The following NTRK2 variants were observed in gnomAD, a reference collection of about 807,000 sequenced individuals.
NTRK2 encodes BDNF/NT-3 growth factors receptor.
Under a neutral mutation model 94.5 loss-of-function variants are expected in NTRK2, and 13 were observed. The observed-to-expected ratio is 0.14, with a 90% CI of 0.09 to 0.22. The LOEUF (loss-of-function observed/expected upper bound fraction) is 0.22. Ranked by LOEUF, NTRK2 falls within the 10% of genes least tolerant of loss-of-function variation. NTRK2 has a pLI of 1.00. For missense variants in NTRK2, 639 were observed against 1,071.2 expected, an observed-to-expected ratio of 0.60 and a Z score of 5.63; for synonymous variants, 372 against 407.4, an observed-to-expected ratio of 0.91 and a Z score of 1.05.
At chr9:84,726,733 C>T (rs765637305) in intron 8 of NTRK2, among the ~76,000 whole-genome samples, 12 of 152,150 alleles carry the variant, frequency 7.9e-5, no homozygotes, top group Non-Finnish European at 1.6e-4. Context: ...AACCTCATTG[C>T]ACTTTGGTTT....
At chr9:84,721,170 C>T (rs977268953) in intron 6 of NTRK2, among the ~76,000 whole-genome samples, 2 of 139,176 alleles carry the variant, frequency 1.4e-5, no homozygotes, top group East Asian at 4.5e-4. Context: ...TCATAATACT[C>T]ATAATAATCT....
At chr9:84,916,410 C>T in intron 14 of NTRK2, among the ~76,000 whole-genome samples, 1 of 152,178 alleles carries the variant, frequency 6.6e-6, no homozygotes, top group East Asian at 1.9e-4. Flanking sequence ...TACTCTTCAT[C>T]CTAGTACTCA....
chr9:84,942,551 A>G (rs2078447832), intron 15 of NTRK2, among the ~76,000 whole-genome samples: 1 of 152,224 alleles, frequency 6.6e-6, no homozygotes, highest in African/African-American at 2.4e-5. Flanking sequence ...ATGAAGTCCA[A>G]CAGAAGCATA....
intron 17 of NTRK2, among the ~76,000 whole-genome samples, chr9:84,994,964 T>C (rs1829560275): frequency 6.6e-6 from 1 of 152,160 alleles, no homozygotes. Flanking sequence ...TAAAACATGC[T>C]CCAACTGAGG....
At chr9:84,802,388 G>T (rs1564310956) in intron 12 of NTRK2, among the ~76,000 whole-genome samples, 1 of 152,148 alleles carries the variant, frequency 6.6e-6, no homozygotes, top group Non-Finnish European at 1.5e-5. Flanking sequence ...ATTATGAAGG[G>T]ACTTCCTGCG....
intron 12 of NTRK2, among the ~76,000 whole-genome samples, chr9:84,789,439 C>T (rs2068492842): frequency 6.6e-6 from 1 of 152,144 alleles, no homozygotes; most frequent in African/African-American, 2.4e-5. Context: ...TGACCTGGCC[C>T]TCAGAGGCAG....
At chr9:84,679,023 A>G (rs1306858119) in intron 2 of NTRK2, among the ~76,000 whole-genome samples, 1 of 152,222 alleles carries the variant, frequency 6.6e-6, no homozygotes, top group Non-Finnish European at 1.5e-5. Context: ...AAGAGACTCC[A>G]GAGAGCTTGT....
At chr9:84,829,892 A>AT (rs1277757936) in intron 12 of NTRK2, among the ~76,000 whole-genome samples, 1 of 152,144 alleles carries the variant, frequency 6.6e-6, no homozygotes, top group African/African-American at 2.4e-5. Flanking sequence ...CTCTTACTGC[A>AT]TTTGAGAGTG....
intron 12 of NTRK2, among the ~76,000 whole-genome samples, chr9:84,829,581 T>G (rs1221755030): frequency 6.6e-6 from 1 of 152,160 alleles, no homozygotes; most frequent in African/African-American, 2.4e-5. Context: ...GTGTTCTGTC[T>G]GTTGGCCTCT....
intron 14 of NTRK2, among the ~76,000 whole-genome samples, chr9:84,884,547 C>T (rs1347004755): frequency 6.6e-6 from 1 of 152,198 alleles, no homozygotes; most frequent in African/African-American, 2.4e-5. Context: ...CCTAATTATA[C>T]ACATTTACTG....
intron 17 of NTRK2, among the ~76,000 whole-genome samples, chr9:84,983,053 A>G (rs1813153150): frequency 1.3e-5 from 2 of 152,164 alleles, no homozygotes; most frequent in African/African-American, 2.4e-5. Flanking sequence ...CCCTTCTGAA[A>G]TAGGTCTTGG....
chr9:84,794,048 C>T (rs2069010807), intron 12 of NTRK2, among the ~76,000 whole-genome samples: 1 of 152,156 alleles, frequency 6.6e-6, no homozygotes, highest in Admixed American at 6.5e-5. Flanking sequence ...GCTCAAGCTG[C>T]CTTTGTTTTG....
At chr9:84,980,802 C>T (rs1412148239) in intron 17 of NTRK2, among the ~76,000 whole-genome samples, 2 of 152,188 alleles carry the variant, frequency 1.3e-5, no homozygotes, top group East Asian at 1.9e-4. Context: ...AAATGGAGCG[C>T]GTAAGCTCGT....
chr9:84,875,962 C>T (rs911697956), intron 14 of NTRK2: 22 of 1,039,812 alleles, frequency 2.1e-5, no homozygotes, highest in Non-Finnish European at 2.3e-5. Context: ...TGTGTGATTT[C>T]AGAACCAAAG....
chr9:84,870,451 CA>C (rs2075821883), intron 14 of NTRK2, among the ~76,000 whole-genome samples: 1 of 148,518 alleles, frequency 6.7e-6, no homozygotes, highest in African/African-American at 2.5e-5. Context: ...ATCCTCTTGA[CA>C]TAGCCTCCTG....
intron 15 of NTRK2, among the ~76,000 whole-genome samples, chr9:84,943,874 G>A (rs957956171): frequency 2.6e-5 from 4 of 151,972 alleles, no homozygotes; most frequent in South Asian, 2.1e-4. Flanking sequence ...CCCTTACAGT[G>A]CCAAATTCAG....
chr9:84,672,493 G>A (rs3780625), intron 2 of NTRK2, among the ~76,000 whole-genome samples: 7,018 of 152,214 alleles, frequency 0.046, 521 homozygotes, highest in African/African-American at 0.15. Flanking sequence ...TCATGAGATG[G>A]GGTGTCAGTA....
intron 14 of NTRK2, among the ~76,000 whole-genome samples, chr9:84,884,713 A>G (rs1337847672): frequency 6.6e-6 from 1 of 152,216 alleles, no homozygotes; most frequent in Non-Finnish European, 1.5e-5. Flanking sequence ...TGGGAAAAAT[A>G]CAATTTTCTG....
intron 14 of NTRK2, among the ~76,000 whole-genome samples, chr9:84,910,033 T>C (rs973076529): frequency 6.6e-6 from 1 of 152,184 alleles, no homozygotes; most frequent in Non-Finnish European, 1.5e-5. Flanking sequence ...GTTATCTCTA[T>C]ATTTATTTTT....
Sources: gnomAD v4.1 joint callset for allele counts (sites outside exome capture counted in the v4.1 genomes callset) on GRCh38, gnomAD v4.1.1 for gene constraint, MANE v1.5 for transcripts, NCBI Gene and HGNC (gene_info 2026-07-23, HGNC 2026-07-21) for gene names.